Variants in SP140L observed in about 807,000 individuals in gnomAD.
SP140L encodes nuclear body protein SP140-like protein.
Under a neutral mutation model 84.3 loss-of-function variants are expected in SP140L, and 64 were observed. The observed-to-expected ratio is 0.76, with a 90% CI of 0.62 to 0.94. The LOEUF is 0.94. Among genes scored for constraint, SP140L ranks in the 40% least tolerant of loss-of-function variants. The pLI, the probability that SP140L is intolerant of heterozygous loss-of-function variation, is 0.00. For synonymous variants in SP140L, 242 were observed against 236.9 expected, an observed-to-expected ratio of 1.02 and a Z score of -0.20; for missense variants, 628 against 692.5, an observed-to-expected ratio of 0.91 and a Z score of 1.05.
chr2:230,334,517 C>T (rs2059813209), intron 2 of SP140L, among the ~76,000 whole-genome samples: 1 of 152,174 alleles, frequency 6.6e-6, no homozygotes, highest in South Asian at 2.1e-4. Context: ...GTGATTTGTC[C>T]TGGAATTCCT....
intron 7 of SP140L, among the ~76,000 whole-genome samples, chr2:230,382,169 C>A (rs6718051): frequency 4.7e-5 from 7 of 148,496 alleles, no homozygotes; most frequent in African/African-American, 1.0e-4. Flanking sequence ...GTCACCCCCC[C>A]ACCCACCCCA....
In SP140L at chr2:230,384,251, A is replaced by G. The variant is rs148658941; in HGVS notation, c.703+676A>G. ...GCAACATATGCAAAAAGAAAAGCCT[A>G]GGAGAATATTTGTTAACAAATCACC... is the stretch of plus-strand genomic sequence containing the variant. On this transcript the variant is annotated intron_variant, in intron 8 of 18. Transcript: ENST00000415673. Among the ~76,000 whole-genome samples the G allele has an allele frequency of 1.3e-3, 204 of 152,342 alleles. 2 individuals are homozygous for G. The highest frequency in any genetic ancestry group is 6.8e-3 in the Middle Eastern group (2 of 294).
At chr2:230,376,911 T>C (rs1033840149) in intron 7 of SP140L, among the ~76,000 whole-genome samples, 2 of 152,158 alleles carry the variant, frequency 1.3e-5, no homozygotes, top group African/African-American at 4.8e-5. Context: ...AATAAACTCA[T>C]GAATGTATGT....
rs914017983 is a variant in SP140L, at chr2:230,329,678, T to A, written c.107+847T>A. Among the ~76,000 whole-genome samples the A allele has an allele frequency of 1.3e-5, 2 of 152,348 alleles. 1 individual carries two copies. Among genetic ancestry groups the A allele is most frequent in the South Asian group, 4.1e-4 (2 of 4,826 alleles). ...AGAAGACACTTGCTTCTCCTTCACC[T>A]TCTGCCATGATTTTAAGTTTCCTGA... On this transcript the variant is annotated intron_variant, in intron 2 of 18. Coordinates refer to ENST00000415673, the MANE Select transcript of SP140L (RefSeq NM_138402.6).
intron 2 of SP140L, among the ~76,000 whole-genome samples, chr2:230,353,845 CAG>C (rs2060439178): frequency 2.0e-5 from 3 of 151,776 alleles, no homozygotes; most frequent in African/African-American, 4.8e-5. Context: ...TTTTTATTTT[CAG>C]AGTTTCATAG....
At chr2:230,350,956 T>G (rs532761925) in intron 2 of SP140L, among the ~76,000 whole-genome samples, 1 of 152,002 alleles carries the variant, frequency 6.6e-6, no homozygotes. Flanking sequence ...AATAGGTGAG[T>G]GTGACCAGGC....
chr2:230,383,470 A>G, intron 7 of SP140L, 40 bp from the exon 8 acceptor site: 4 of 1,540,058 alleles, frequency 2.6e-6, no homozygotes, highest in Non-Finnish European at 3.5e-6. Flanking sequence ...AATTATATTT[A>G]TTCCTCTGTA....
At chr2:230,332,503 C>T (rs1193472532) in intron 2 of SP140L, among the ~76,000 whole-genome samples, 2 of 152,204 alleles carry the variant, frequency 1.3e-5, no homozygotes, top group South Asian at 2.1e-4. Flanking sequence ...CCTAACACTC[C>T]TTTTCATTCC....
At chr2:230,347,347 G>A (rs977764996) in intron 2 of SP140L, among the ~76,000 whole-genome samples, 2 of 152,072 alleles carry the variant, frequency 1.3e-5, no homozygotes, top group Non-Finnish European at 2.9e-5. Flanking sequence ...TCACTGTCTG[G>A]GTTCTCTTCC....
intron 2 of SP140L, among the ~76,000 whole-genome samples, chr2:230,354,857 G>GAAAGA (rs2149722645): frequency 2.7e-5 from 2 of 75,010 alleles, no homozygotes; most frequent in East Asian, 1.4e-3. Context: ...AGGAAAGAAA[G>GAAAGA]AAAGAAAGAA....
chr2:230,356,184 C>G (rs1258470405), intron 2 of SP140L, among the ~76,000 whole-genome samples: 1 of 152,172 alleles, frequency 6.6e-6, no homozygotes. Context: ...TTTGCAAAAA[C>G]AGTTTGGCAG....
intron 2 of SP140L, among the ~76,000 whole-genome samples, chr2:230,348,899 G>A (rs7573405): frequency 0.14 from 21,192 of 152,170 alleles, 2,163 homozygotes; most frequent in East Asian, 0.47. Flanking sequence ...AATAAAAATG[G>A]GGGATCCTTG....
chr2:230,388,054 G>A (rs1240449345), intron 9 of SP140L, among the ~76,000 whole-genome samples: 1 of 152,112 alleles, frequency 6.6e-6, no homozygotes, highest in East Asian at 1.9e-4. Context: ...ATTTATTTGT[G>A]TCTCTGCTAA....
intron 13 of SP140L, among the ~76,000 whole-genome samples, chr2:230,396,230 G>A (rs1023552391): frequency 2.0e-5 from 3 of 152,216 alleles, no homozygotes; most frequent in Non-Finnish European, 2.9e-5. Flanking sequence ...GCATTGGGCT[G>A]AACAGTAGTA....
rs140907159 is a variant in SP140L at position 230,396,798 on chromosome 2, T to C, written c.1197T>C (p.Cys399=). ...AAAACAATAGCTCAGTTGACCCTTG[T>C]GTAAGTATAAATTCTGAACTACAAC... The part of the protein sequence containing the change: ...KSQNNSSVDP[C]MRNLDECEVC... The change falls in exon 14 of 19, where the codon TGT becomes TGC. Residue 399 remains cysteine (C), a splice_region_variant and synonymous_variant. Coordinates refer to ENST00000415673, the MANE Select transcript of SP140L (RefSeq NM_138402.6). 143 of 1,614,014 alleles carry C rather than the reference T, an allele frequency of 8.9e-5. 1 individual carries two copies. In the African/African-American group the frequency reaches 1.5e-3, roughly 16 times the overall value.
chr2:230,340,139 G>C (rs941209237), intron 2 of SP140L, among the ~76,000 whole-genome samples: 1 of 151,232 alleles, frequency 6.6e-6, no homozygotes, highest in South Asian at 2.1e-4. Flanking sequence ...TCTCTTTGTA[G>C]GTCACTCAGG....
chr2:230,360,505 A>G (rs1043567814), intron 4 of SP140L, among the ~76,000 whole-genome samples: 4 of 152,246 alleles, frequency 2.6e-5, no homozygotes, highest in Admixed American at 2.6e-4. Flanking sequence ...GAAAGTGAAT[A>G]AAAGGAAATC....
chr2:230,392,015 A>G (rs889398661), intron 11 of SP140L, 72 bp from the exon 12 acceptor site: 9 of 1,595,914 alleles, frequency 5.6e-6, no homozygotes, highest in African/African-American at 4.0e-5. Flanking sequence ...TCTAGATCCA[A>G]TGTGGTGAGT....
At chr2:230,371,047 A>T (rs532289754) in intron 6 of SP140L, 80 bp downstream of exon 6, 18 of 1,246,346 alleles carry the variant, frequency 1.4e-5, no homozygotes, top group Non-Finnish European at 2.1e-5. Context: ...CAGGTGCTCC[A>T]GTCCGCCCAG....
Sources: gnomAD v4.1 joint callset for allele counts (sites outside exome capture counted in the v4.1 genomes callset) on GRCh38, gnomAD v4.1.1 for gene constraint, MANE v1.5 for transcripts, NCBI Gene and HGNC (gene_info 2026-07-23, HGNC 2026-07-21) for gene names.